DOK6: variants seen among roughly 807,000 people sequenced by gnomAD.
DOK6 encodes the protein docking protein 6.
A neutral mutation model predicts 44.0 loss-of-function variants in DOK6; 22 were observed. The observed-to-expected ratio is 0.50, with a 90% CI of 0.36 to 0.71. The LOEUF (loss-of-function observed/expected upper bound fraction) is 0.71. Among genes scored for constraint, DOK6 ranks in the 30% least tolerant of loss-of-function variants. The probability of loss-of-function intolerance (pLI) is 0.00; values close to 1 mark genes in which losing one functional copy is unlikely to be tolerated. For synonymous variants in DOK6, 166 were observed against 145.5 expected (o/e 1.14, Z -1.01); for missense variants, 340 against 416.4 (o/e 0.82, Z 1.60).
chr18:69,799,250 G>A (rs1374262366), intron 7 of DOK6, among the ~76,000 whole-genome samples: 1 of 151,924 alleles, frequency 6.6e-6, no homozygotes, highest in Non-Finnish European at 1.5e-5. Context: ...CCATTAAGAT[G>A]TTTCAAAATT....
chr18:69,622,416 C>T (rs914676584), intron 3 of DOK6, among the ~76,000 whole-genome samples: 1 of 152,186 alleles, frequency 6.6e-6, no homozygotes, highest in East Asian at 1.9e-4. Flanking sequence ...ACAAAGCTGC[C>T]TCTTATGTCA....
At position 69,756,547 on chromosome 18, in the gene DOK6, G is replaced by C. The variant is rs73970256; in HGVS notation, c.739-1209G>C. Among the ~76,000 whole-genome samples, 550 of 152,084 alleles carry C rather than the reference G, an allele frequency of 3.6e-3. 2 individuals carry two copies. The highest frequency in any genetic ancestry group is 0.012 in the African/African-American group (516 of 41,558). On this transcript the variant is annotated intron_variant, in intron 6 of 7. Transcript: ENST00000382713. Reference sequence around the variant, plus strand: ...CTACTAAGAAAGTAAAATGAAATAAGTAAGTTCAAGCTCTATAATTCCACT... The same window carrying C: ...CTACTAAGAAAGTAAAATGAAATAACTAAGTTCAAGCTCTATAATTCCACT...
intron 1 of DOK6, chr18:69,532,861 G>A (rs1453954421): frequency 1.3e-5 from 2 of 151,558 alleles, no homozygotes; most frequent in Non-Finnish European, 2.9e-5. Context: ...GACCCTGTCT[G>A]AAAACAAAAA....
At chr18:69,694,058 CAAAAAAAAAAAAAAA>C (rs60662789) in intron 4 of DOK6, among the ~76,000 whole-genome samples, 23 of 62,010 alleles carry the variant, frequency 3.7e-4, no homozygotes, top group South Asian at 7.8e-4. Flanking sequence ...GACTCCGTGT[CAAAAAAAAAAAAAAA>C]AAAAAAAAAA....
Position 69,542,266 on chromosome 18 carries a change from C to T in DOK6, c.67-22221C>T, listed in dbSNP as rs890435279. 3.4e-5 allele frequency among the ~76,000 whole-genome samples: 5 copies of T among 148,294 alleles called. No homozygotes were observed. The East Asian group carries it at 5.8e-4, about 17-fold the overall frequency. On this transcript the variant is annotated intron_variant, in intron 1 of 7. Transcript: ENST00000382713. ...TATTATGCCAAACTTTAAGCTACTT[C>T]GCTTTTCTGCCTGACCGACCCATTT...
intron 1 of DOK6, among the ~76,000 whole-genome samples, chr18:69,457,290 T>A (rs944791343): frequency 6.6e-6 from 1 of 152,208 alleles, no homozygotes; most frequent in Non-Finnish European, 1.5e-5. Flanking sequence ...AGATGTTATA[T>A]TTAAATCTCT....
intron 1 of DOK6, among the ~76,000 whole-genome samples, chr18:69,477,531 C>A (rs539135836): frequency 3.2e-4 from 49 of 152,212 alleles, no homozygotes; most frequent in African/African-American, 1.1e-3. Flanking sequence ...CTATACCCCC[C>A]AAAAATATGA....
intron 1 of DOK6, among the ~76,000 whole-genome samples, chr18:69,548,854 G>C (rs1315054916): frequency 6.6e-6 from 1 of 151,538 alleles, no homozygotes; most frequent in Non-Finnish European, 1.5e-5. Context: ...AGCACTTTGG[G>C]AGGCCGAGGC....
intron 1 of DOK6, among the ~76,000 whole-genome samples, chr18:69,491,091 A>G (rs958995653): frequency 2.0e-5 from 3 of 152,186 alleles, no homozygotes; most frequent in African/African-American, 7.2e-5. Context: ...ATGGCATGGT[A>G]TATACTAAAC....
chr18:69,739,014 G>C lies in DOK6; in HGVS notation c.649G>C (p.Glu217Gln). The C allele has an allele frequency of 1.2e-6, 2 of 1,614,094 alleles. No individual in the cohort carries two copies. The highest frequency in any genetic ancestry group is 1.7e-6 in the Non-Finnish European group (2 of 1,179,936). The change falls in exon 6 of 8, where the codon GAA becomes CAA. Residue 217 changes from glutamate to glutamine, a missense_variant. Glu to Gln is a conservative substitution (Grantham distance 29). Coordinates refer to ENST00000382713, the MANE Select transcript of DOK6 (RefSeq NM_152721.6). ...GLFTFQTREGEMIYQKVHSAT... is the reference protein window; with the variant it reads ...GLFTFQTREGQMIYQKVHSAT... ...ATTCACTTTTCAAACAAGGGAAGGAGAAATGATCTATCAGAAGGTTCATTC... is the reference window on the plus strand; with the variant it reads ...ATTCACTTTTCAAACAAGGGAAGGACAAATGATCTATCAGAAGGTTCATTC...
At chr18:69,577,673 A>C (rs1052542152) in intron 2 of DOK6, among the ~76,000 whole-genome samples, 21 of 152,158 alleles carry the variant, frequency 1.4e-4, no homozygotes, top group Admixed American at 5.2e-4. Flanking sequence ...CCATCTGTGT[A>C]GAGCATCTCT....
chr18:69,752,069 G>C (rs1216825555), intron 6 of DOK6, among the ~76,000 whole-genome samples: 1 of 151,708 alleles, frequency 6.6e-6, no homozygotes, highest in Non-Finnish European at 1.5e-5. Context: ...GATAACCTAA[G>C]AAAAACAGCA....
intron 1 of DOK6, among the ~76,000 whole-genome samples, chr18:69,461,934 C>T (rs1386196749): frequency 6.6e-6 from 1 of 152,112 alleles, no homozygotes; most frequent in Non-Finnish European, 1.5e-5. Flanking sequence ...AGCCTTAATC[C>T]TTGTTGTCGC....
At chr18:69,709,549 G>C (rs989568203) in intron 5 of DOK6, among the ~76,000 whole-genome samples, 1 of 151,846 alleles carries the variant, frequency 6.6e-6, no homozygotes, top group Non-Finnish European at 1.5e-5. Context: ...TTTTTTCTTG[G>C]TGTTAAATAA....
chr18:69,532,626 C>G (rs1490395157), intron 1 of DOK6: 2 of 152,162 alleles, frequency 1.3e-5, no homozygotes, highest in Non-Finnish European at 2.9e-5. Context: ...TTTGGGAGGC[C>G]AAAGCAGGAG....
intron 1 of DOK6, among the ~76,000 whole-genome samples, chr18:69,509,499 G>A (rs1033273672): frequency 2.6e-4 from 40 of 151,952 alleles, no homozygotes; most frequent in African/African-American, 8.7e-4. Context: ...TTAGCCGGGC[G>A]TGGTGGCGGG....
chr18:69,690,775 T>C (rs539294142), intron 4 of DOK6, among the ~76,000 whole-genome samples: 2 of 152,358 alleles, frequency 1.3e-5, no homozygotes, highest in East Asian at 1.9e-4. Flanking sequence ...GACTTACTCA[T>C]CAACACTTAA....
At chr18:69,653,319 AAAAG>A (rs751282095) in intron 3 of DOK6, among the ~76,000 whole-genome samples, 22 of 144,978 alleles carry the variant, frequency 1.5e-4, no homozygotes, top group Middle Eastern at 3.5e-3. Flanking sequence ...CAAAAAAAAA[AAAAG>A]AAGAAGATTT....
At chr18:69,500,223 G>A (rs983448001) in intron 1 of DOK6, among the ~76,000 whole-genome samples, 3 of 152,240 alleles carry the variant, frequency 2.0e-5, no homozygotes, top group African/African-American at 2.4e-5. Context: ...AGGCACTGAC[G>A]TTATCTTCTA....
Sources: gnomAD v4.1 joint callset for allele counts (sites outside exome capture counted in the v4.1 genomes callset) on GRCh38, gnomAD v4.1.1 for gene constraint, MANE v1.5 for transcripts, NCBI Gene and HGNC (gene_info 2026-07-23, HGNC 2026-07-21) for gene names.